PHKB: variants seen among roughly 807,000 people sequenced by gnomAD.
PHKB encodes the protein phosphorylase b kinase regulatory subunit beta.
In PHKB, 122 loss-of-function variants were observed where a neutral mutation model predicts 152.1. The ratio of observed to expected loss-of-function variants is 0.80; its 90% CI spans 0.69 to 0.93. The LOEUF (loss-of-function observed/expected upper bound fraction) is 0.93, where lower values mean the gene tolerates loss of function less well. Ranked by LOEUF, PHKB falls within the 40% of genes least tolerant of loss-of-function variation. PHKB has a pLI of 0.00. For synonymous variants in PHKB, 436 were observed against 464.9 expected (o/e 0.94, Z 0.80); for missense variants, 1,304 against 1,328.4 (o/e 0.98, Z 0.29).
At chr16:47,546,148 A>G (rs79987506) in intron 6 of PHKB, among the ~76,000 whole-genome samples, 3,679 of 152,238 alleles carry the variant, frequency 0.024, 61 homozygotes, top group Non-Finnish European at 0.039. Context: ...GTGAGGAGCT[A>G]CGGTTCTTTG....
In PHKB at chr16:47,507,606, C is replaced by T. The variant is rs142942568; in HGVS notation, c.406-4059C>T. 3.9e-5 allele frequency among the ~76,000 whole-genome samples: 6 copies of T among 152,218 alleles called. No individual in the cohort carries two copies. In the East Asian group the frequency reaches 1.2e-3, roughly 29 times the overall value. On this transcript the variant is annotated intron_variant, in intron 4 of 30. Coordinates refer to ENST00000323584, the MANE Select transcript of PHKB (RefSeq NM_000293.3). ...CTCCTGGGCTCAAGCAATCCTTCCA[C>T]CTCAGCCTCCCAAAGTGCTAGGATT...
At chr16:47,506,630 A>G (rs1010228854) in intron 4 of PHKB, among the ~76,000 whole-genome samples, 2 of 152,204 alleles carry the variant, frequency 1.3e-5, no homozygotes, top group Non-Finnish European at 1.5e-5. Flanking sequence ...GTGAAAATCA[A>G]AATCATGACT....
chr16:47,547,435 C>A lies in PHKB; in HGVS notation c.597C>A (p.Val199=). The change falls in exon 7 of 31, where the codon GTC becomes GTA. Residue 199 remains valine, a splice_region_variant and synonymous_variant. Coordinates refer to ENST00000323584, the MANE Select transcript of PHKB (RefSeq NM_000293.3). The stretch of plus-strand genomic sequence containing the variant: ...TGTTTCATTTCTTTTTCTTTTAGGT[C>A]TCTTTTATTCAAAACCTTGTATTTT... ...GLQIIYNTDE[V]SFIQNLVFCV... 1.3e-6 allele frequency: 2 copies of A among 1,581,614 alleles called. No individual in the cohort carries two copies. The highest frequency in any genetic ancestry group is 2.2e-5 in the East Asian group (1 of 44,718).
In PHKB at chr16:47,503,066, CT is replaced by C. The variant is rs771082329; in HGVS notation, c.382del (p.Cys128AlafsTer45). ...AIKCMRGILYCYMRQADKVQQ... is the reference protein window; with the variant it reads ...AIKCMRGILYXYMRQADKVQQ... ...TAAAATGCATGAGAGGAATTCTCTA[CT>C]GCTATATGCGTCAGGCCGATAAGGT... On this transcript the variant is annotated frameshift_variant, in exon 4 of 31. Transcript: ENST00000323584. LOFTEE classifies it high-confidence loss of function. 6.2e-7 allele frequency: 1 copy of C among 1,607,166 alleles called. No individual in the cohort carries two copies. Among genetic ancestry groups the C allele is most frequent in the South Asian group, 1.1e-5 (1 of 90,932 alleles).
chr16:47,465,444 T>C (rs901156907), intron 1 of PHKB, among the ~76,000 whole-genome samples: 1 of 152,238 alleles, frequency 6.6e-6, no homozygotes, highest in Non-Finnish European at 1.5e-5. Flanking sequence ...TTTGAAGGTA[T>C]ATACAAGACG....
rs537531945 is a variant in PHKB at position 47,582,705 on chromosome 16, A to G, written c.774+2347A>G. ...TTTTGGCCTTGTTCAGGTCACGTCT[A>G]TTTCCAGTGGAGCTATGCACCAAAT... On this transcript the variant is annotated intron_variant, in intron 8 of 30. Coordinates refer to ENST00000323584, the MANE Select transcript of PHKB (RefSeq NM_000293.3). Among the ~76,000 whole-genome samples, 50 of 152,326 alleles carry G rather than the reference A, an allele frequency of 3.3e-4. No individual in the cohort carries two copies. The Middle Eastern group carries it at 0.02, about 62-fold the overall frequency.
intron 6 of PHKB, among the ~76,000 whole-genome samples, chr16:47,526,207 G>A (rs1173393203): frequency 1.3e-5 from 2 of 149,068 alleles, no homozygotes; most frequent in South Asian, 4.2e-4. Flanking sequence ...TCAGGAGTTC[G>A]AGACCAGCCT....
intron 4 of PHKB, among the ~76,000 whole-genome samples, chr16:47,506,714 A>G (rs1214866707): frequency 2.0e-5 from 3 of 152,220 alleles, no homozygotes; most frequent in African/African-American, 4.8e-5. Flanking sequence ...AGTTTAAGGC[A>G]GGGGTTTCCA....
chr16:47,694,290 A>ATTAGCC (rs1567360090), intron 28 of PHKB, among the ~76,000 whole-genome samples: 1 of 152,232 alleles, frequency 6.6e-6, no homozygotes, highest in Non-Finnish European at 1.5e-5. Flanking sequence ...AAAGAGAAGG[A>ATTAGCC]TTAGCCTTTT....
chr16:47,661,663 G>A (rs1973446366), intron 22 of PHKB, 56 bp from the exon 23 acceptor site: 2 of 1,094,230 alleles, frequency 1.8e-6, no homozygotes, highest in Non-Finnish European at 2.8e-6. Flanking sequence ...GTTACCCTCT[G>A]TGGTAACTGC....
At chr16:47,641,747 G>A (rs1973026952) in intron 16 of PHKB, 55 bp downstream of exon 16, 1 of 944,198 alleles carries the variant, frequency 1.1e-6, no homozygotes, top group African/African-American at 1.6e-5. Flanking sequence ...AGAGCTTGAT[G>A]GTTGGACTTA....
At chr16:47,628,109 C>G (rs1972743845) in intron 14 of PHKB, among the ~76,000 whole-genome samples, 1 of 152,198 alleles carries the variant, frequency 6.6e-6, no homozygotes, top group Non-Finnish European at 1.5e-5. Context: ...CAAGACCAGC[C>G]TGGAGGATGC....
chr16:47,682,533 C>G (rs1973880763), intron 26 of PHKB, among the ~76,000 whole-genome samples: 1 of 152,142 alleles, frequency 6.6e-6, no homozygotes, highest in Admixed American at 6.5e-5. Context: ...TCACTGATAC[C>G]CTTTCTTCCA....
chr16:47,557,338 C>G (rs1484460466), intron 7 of PHKB, among the ~76,000 whole-genome samples: 1 of 152,182 alleles, frequency 6.6e-6, no homozygotes, highest in East Asian at 1.9e-4. Context: ...GACTTCATGT[C>G]TAAAACACCA....
In PHKB at chr16:47,461,361, C is replaced by A. The variant is rs1358287403; in HGVS notation, c.11C>A (p.Ala4Glu). The A allele has an allele frequency of 1.9e-6, 3 of 1,610,552 alleles. No homozygotes were observed. Among genetic ancestry groups the A allele is most frequent in the Non-Finnish European group, 2.5e-6 (3 of 1,179,042 alleles). ...GGCGACCGGAGCGCGATGGCGGGGG[C>A]GGCGGGACTCACGGCAGAAGTGAGC... is the stretch of plus-strand genomic sequence containing the variant. MAG[A>E]AGLTAEVSWK... The change falls in exon 1 of 31, where the codon GCG (alanine) becomes GAG (glutamate). Residue 4 changes from alanine (A) to glutamate (E), a missense_variant. Physicochemically the swap from Ala to Glu is moderately radical, Grantham distance 107. Coordinates refer to ENST00000323584, the MANE Select transcript of PHKB (RefSeq NM_000293.3).
intron 7 of PHKB, among the ~76,000 whole-genome samples, chr16:47,569,554 G>T (rs1971623411): frequency 1.3e-5 from 2 of 152,122 alleles, no homozygotes; most frequent in South Asian, 4.1e-4. Flanking sequence ...CATATTGATT[G>T]TTACCTAGTT....
At chr16:47,492,014 T>C (rs1223326850) in intron 1 of PHKB, among the ~76,000 whole-genome samples, 1 of 152,156 alleles carries the variant, frequency 6.6e-6, no homozygotes, top group Non-Finnish European at 1.5e-5. Flanking sequence ...CAAACTTTAC[T>C]AAAGGCTCAG....
intron 1 of PHKB, among the ~76,000 whole-genome samples, chr16:47,478,605 A>G (rs1969911636): frequency 1.3e-5 from 2 of 151,892 alleles, no homozygotes; most frequent in South Asian, 4.1e-4. Flanking sequence ...AAATCTTTAG[A>G]ATGATAATGA....
At chr16:47,521,723 T>C (rs1313611392) in intron 6 of PHKB, among the ~76,000 whole-genome samples, 1 of 152,074 alleles carries the variant, frequency 6.6e-6, no homozygotes, top group Admixed American at 6.6e-5. Flanking sequence ...CTTCATCAGA[T>C]TGAGAAAGTT....
Sources: gnomAD v4.1 joint callset for allele counts (sites outside exome capture counted in the v4.1 genomes callset) on GRCh38, gnomAD v4.1.1 for gene constraint, MANE v1.5 for transcripts, NCBI Gene and HGNC (gene_info 2026-07-23, HGNC 2026-07-21) for gene names.